R3HDM2: variants seen among roughly 807,000 people sequenced by gnomAD.
R3HDM2 encodes the protein R3H domain containing 2, also known as R3H domain-containing protein 2.
A neutral mutation model predicts 124.5 loss-of-function variants in R3HDM2; 38 were observed. The ratio of observed to expected loss-of-function variants is 0.31; its 90% CI spans 0.24 to 0.40. R3HDM2 has a LOEUF of 0.40. R3HDM2 is among the 10% of genes least tolerant of loss of function. The pLI is 1.00. For synonymous variants in R3HDM2, 391 were observed against 448.0 expected (o/e 0.87, Z 1.61); for missense variants, 869 against 1,236.9 (o/e 0.70, Z 4.46).
At chr12:57,256,545 T>G (rs1314314831) in intron 21 of R3HDM2, 34 bp from the exon 22 acceptor site, 1 of 1,463,158 alleles carries the variant, frequency 6.8e-7, no homozygotes, top group African/African-American at 1.4e-5. Flanking sequence ...TTCTGGGAGC[T>G]TAAGCTTCAT....
Position 57,254,996 on chromosome 12 carries a change from G to A in R3HDM2, c.2750C>T (p.Ala917Val), listed in dbSNP as rs199506542. The part of the protein sequence containing the change: ...SGAKIQWLKD[A>V]QGLPGGGGGD... ...CCCACCCCCTCCAGGCAGCCCCTGA[G>A]CATCCTTGAGCCACTGGATCTTGGC... is the stretch of plus-strand genomic sequence containing the variant. The change falls in exon 24 of 24, where the codon GCT becomes GTT. Residue 917 changes from alanine to valine, a missense_variant. Transcript: ENST00000402412. The A allele has an allele frequency of 2.5e-6, 4 of 1,613,804 alleles. No individual in the cohort carries two copies.
intron 2 of R3HDM2, among the ~76,000 whole-genome samples, chr12:57,382,382 A>G (rs560222656): frequency 1.3e-5 from 2 of 149,810 alleles, no homozygotes; most frequent in Admixed American, 1.3e-4. Flanking sequence ...GAGCACCTGG[A>G]ATTATAGGCA....
In R3HDM2 at chr12:57,253,826, C is replaced by A; in HGVS notation, c.*947G>T. On this transcript the variant is annotated 3_prime_UTR_variant, in exon 24 of 24. Transcript: ENST00000402412. ...AACCAACCTCCCCCCAAATAACCCC[C>A]AAACAAACAAAAAAACAGATTAAAT... 5.6e-6 allele frequency: 1 copy of A among 178,886 alleles called. No homozygotes were observed. The highest frequency in any genetic ancestry group is 1.2e-5 in the Non-Finnish European group (1 of 86,072). 11.1% of individuals were successfully genotyped at this position (178,886 alleles called of 1,614,324 possible).
At chr12:57,288,308 C>A (rs981790803) in intron 12 of R3HDM2, among the ~76,000 whole-genome samples, 1 of 151,812 alleles carries the variant, frequency 6.6e-6, no homozygotes, top group African/African-American at 2.4e-5. Context: ...CTGGCCAGGT[C>A]CTTTCTGAGG....
intron 2 of R3HDM2, among the ~76,000 whole-genome samples, chr12:57,366,093 T>C (rs369033019): frequency 6.6e-6 from 1 of 152,204 alleles, no homozygotes; most frequent in Non-Finnish European, 1.5e-5. Flanking sequence ...CAATTACACA[T>C]ATTTTTAGAC....
intron 2 of R3HDM2, among the ~76,000 whole-genome samples, chr12:57,340,775 A>G (rs2059462335): frequency 6.6e-6 from 1 of 152,058 alleles, no homozygotes; most frequent in African/African-American, 2.4e-5. Flanking sequence ...AGATAGGTAA[A>G]CCCTTAATTT....
rs568441125 is a variant in R3HDM2, at chr12:57,358,132, C to T, written c.-36+37617G>A. Among the ~76,000 whole-genome samples, 107 of 113,834 alleles carry T rather than the reference C, an allele frequency of 9.4e-4. 1 individual carries two copies. The highest frequency in any genetic ancestry group is 3.6e-3 in the African/African-American group (105 of 29,164). 74.7% of individuals were successfully genotyped at this position (113,834 alleles called of 152,430 possible). The stretch of plus-strand genomic sequence containing the variant: ...TAGCTGGGACTACAGGCGCGTGACG[C>T]TACGCCCAGCTAATTTTTTTTTTTT... On this transcript the variant is annotated intron_variant, in intron 2 of 23. Transcript: ENST00000402412.
At chr12:57,293,634 G>C (rs1296331147) in intron 10 of R3HDM2, among the ~76,000 whole-genome samples, 1 of 152,114 alleles carries the variant, frequency 6.6e-6, no homozygotes, top group Non-Finnish European at 1.5e-5. Context: ...TCCTGCTCTT[G>C]AAGGCAAGGA....
chr12:57,307,878 A>G (rs1161574388), intron 3 of R3HDM2, among the ~76,000 whole-genome samples: 1 of 151,966 alleles, frequency 6.6e-6, no homozygotes, highest in Non-Finnish European at 1.5e-5. Flanking sequence ...GTACTGCTCC[A>G]TAGGATCCAG....
chr12:57,276,143 G>C (rs965381062), intron 14 of R3HDM2, among the ~76,000 whole-genome samples: 2 of 151,258 alleles, frequency 1.3e-5, no homozygotes, highest in African/African-American at 4.9e-5. Flanking sequence ...CATGAACCCG[G>C]AGCTTGCAGT....
At chr12:57,383,162 ATTT>A (rs1192641246) in intron 2 of R3HDM2, among the ~76,000 whole-genome samples, 1 of 151,788 alleles carries the variant, frequency 6.6e-6, no homozygotes, top group South Asian at 2.1e-4. Context: ...GCCAAAAAAA[ATTT>A]TTTTATTAGC....
At chr12:57,322,557 G>A (rs896751591) in intron 2 of R3HDM2, among the ~76,000 whole-genome samples, 2 of 152,176 alleles carry the variant, frequency 1.3e-5, no homozygotes, top group Non-Finnish European at 2.9e-5. Context: ...TCAAGGTTCC[G>A]TCACTAAGTG....
At chr12:57,320,261 C>CAAAAAAAAATAAA (rs1555256624) in intron 2 of R3HDM2, among the ~76,000 whole-genome samples, 1 of 14,276 alleles carries the variant, frequency 7.0e-5, no homozygotes, top group African/African-American at 2.3e-4. Flanking sequence ...AACTCTATCT[C>CAAAAAAAAATAAA]AAAAAAAAAA....
intron 1 of R3HDM2, among the ~76,000 whole-genome samples, chr12:57,409,002 TAATTA>T (rs1220246198): frequency 6.6e-6 from 1 of 152,192 alleles, no homozygotes; most frequent in Non-Finnish European, 1.5e-5. Flanking sequence ...GCAATTGACT[TAATTA>T]AATTATACTG....
chr12:57,363,194 G>A (rs563321192), intron 2 of R3HDM2, among the ~76,000 whole-genome samples: 5 of 152,198 alleles, frequency 3.3e-5, no homozygotes, highest in East Asian at 1.9e-4. Flanking sequence ...TTTCTGTAGC[G>A]GTGGTCTGAT....
chr12:57,284,733 T>A (rs1323870660), intron 12 of R3HDM2, among the ~76,000 whole-genome samples: 1 of 152,228 alleles, frequency 6.6e-6, no homozygotes, highest in Non-Finnish European at 1.5e-5. Flanking sequence ...TCAGCAAATA[T>A]GCTCTTGGGA....
At chr12:57,290,037 A>G (rs2048260571) in intron 11 of R3HDM2, among the ~76,000 whole-genome samples, 4 of 152,252 alleles carry the variant, frequency 2.6e-5, no homozygotes, top group African/African-American at 4.8e-5. Flanking sequence ...TAAATCTACA[A>G]GGATCTAACA....
At chr12:57,351,245 C>T (rs896274521) in intron 2 of R3HDM2, among the ~76,000 whole-genome samples, 7 of 152,022 alleles carry the variant, frequency 4.6e-5, no homozygotes, top group Non-Finnish European at 7.4e-5. Flanking sequence ...CTAGCCTAGG[C>T]GACAGAGCAA....
intron 2 of R3HDM2, among the ~76,000 whole-genome samples, chr12:57,370,139 G>A (rs2063140558): frequency 6.6e-6 from 1 of 152,132 alleles, no homozygotes; most frequent in African/African-American, 2.4e-5. Context: ...AGGGAGGGAG[G>A]CTTATTGGAT....
Sources: gnomAD v4.1 joint callset for allele counts (sites outside exome capture counted in the v4.1 genomes callset) on GRCh38, gnomAD v4.1.1 for gene constraint, MANE v1.5 for transcripts, NCBI Gene and HGNC (gene_info 2026-07-23, HGNC 2026-07-21) for gene names.